Variants in MAPKAPK5 observed in about 807,000 individuals in gnomAD.
The protein encoded by MAPKAPK5 is MAPK activated protein kinase 5, also known as MAP kinase-activated protein kinase 5.
In MAPKAPK5, 30 loss-of-function variants were observed where a neutral mutation model predicts 65.1. That is an observed-to-expected ratio of 0.46 (90% CI 0.34 to 0.63). The LOEUF is 0.63. MAPKAPK5 is among the 20% of genes least tolerant of loss of function. The pLI is 0.01. For synonymous variants in MAPKAPK5, 179 were observed against 204.6 expected, an observed-to-expected ratio of 0.87 and a Z score of 1.07; for missense variants, 433 against 581.4, an observed-to-expected ratio of 0.74 and a Z score of 2.63.
At chr12:111,861,324 G>T (rs76871768) in intron 1 of MAPKAPK5, among the ~76,000 whole-genome samples, 2,338 of 127,002 alleles carry the variant, frequency 0.018, 72 homozygotes, top group African/African-American at 0.069. Context: ...TGTTTTTTTT[G>T]TTGTTGTTGT....
At chr12:111,857,887 T>G (rs112199324) in intron 1 of MAPKAPK5, among the ~76,000 whole-genome samples, 9 of 152,060 alleles carry the variant, frequency 5.9e-5, no homozygotes, top group South Asian at 4.2e-4. Context: ...CAGTGTTTTT[T>G]TTTGTGTGTG....
intron 10 of MAPKAPK5, among the ~76,000 whole-genome samples, chr12:111,886,769 CTT>C (rs1222850378): frequency 6.6e-6 from 1 of 152,152 alleles, no homozygotes. Flanking sequence ...GCCATAGTAG[CTT>C]TTTGAGAAGA....
chr12:111,875,381 A>AT (rs939392911), intron 7 of MAPKAPK5, among the ~76,000 whole-genome samples: 4 of 151,820 alleles, frequency 2.6e-5, no homozygotes, highest in East Asian at 1.9e-4. Context: ...CTGAAATGCC[A>AT]TTTTTTTTAA....
intron 7 of MAPKAPK5, among the ~76,000 whole-genome samples, chr12:111,877,862 G>GT (rs904344879): frequency 7.8e-4 from 114 of 145,314 alleles, no homozygotes; most frequent in Admixed American, 2.6e-3. Flanking sequence ...GAAATTTTTG[G>GT]TTTTTTTTTT....
At chr12:111,889,715 C>T (rs900530904) in intron 12 of MAPKAPK5, 2 of 242,486 alleles carry the variant, frequency 8.2e-6, no homozygotes, top group African/African-American at 4.4e-5. Context: ...GAGAAAGTAG[C>T]CCACTCTCCC....
intron 1 of MAPKAPK5, 28 bp downstream of exon 1, chr12:111,842,797 C>A (rs1358646482): frequency 7.6e-7 from 1 of 1,310,890 alleles, no homozygotes. Context: ...CCTCTTCCCC[C>A]GCGTTGTCCT....
intron 1 of MAPKAPK5, among the ~76,000 whole-genome samples, chr12:111,851,194 G>T (rs1030972360): frequency 6.6e-6 from 1 of 151,896 alleles, no homozygotes; most frequent in Non-Finnish European, 1.5e-5. Flanking sequence ...CACCGTGCCC[G>T]GCCAGGACTG....
At chr12:111,856,682 C>T (rs1277389218) in intron 1 of MAPKAPK5, among the ~76,000 whole-genome samples, 1 of 152,138 alleles carries the variant, frequency 6.6e-6, no homozygotes, top group Non-Finnish European at 1.5e-5. Context: ...GCCAGGGTTA[C>T]AGGTGTGAGC....
At position 111,898,283 on chromosome 12, in the gene MAPKAPK5, C is replaced by T. The variant is rs1269276617; in HGVS notation, c.*5222C>T. On this transcript the variant is annotated 3_prime_UTR_variant, in exon 14 of 14. Coordinates refer to ENST00000550735, the MANE Select transcript of MAPKAPK5 (RefSeq NM_003668.4). ...TCCTGGGTTCAAGCGATTCTCCTGCCTCACCTTCCTGAGTAGCTGAGATTA... is the reference window on the plus strand; with the variant it reads ...TCCTGGGTTCAAGCGATTCTCCTGCTTCACCTTCCTGAGTAGCTGAGATTA... The T allele has an allele frequency of 6.6e-6, 1 of 151,952 alleles. No homozygotes were observed. Among genetic ancestry groups the T allele is most frequent in the Non-Finnish European group, 1.5e-5 (1 of 68,070 alleles). 9.4% of individuals were successfully genotyped at this position (151,952 alleles called of 1,614,324 possible). A position where few individuals can be genotyped will look rare whatever the true frequency, so the allele number is the denominator to read the frequency against.
intron 1 of MAPKAPK5, among the ~76,000 whole-genome samples, chr12:111,851,127 A>T (rs1283408570): frequency 2.0e-5 from 3 of 151,938 alleles, no homozygotes; most frequent in African/African-American, 7.3e-5. Flanking sequence ...TGAACTCCTA[A>T]CCTCAAGTGA....
chr12:111,901,591 G>T lies in MAPKAPK5; in HGVS notation c.*8530G>T. On this transcript the variant is annotated 3_prime_UTR_variant, in exon 14 of 14. Coordinates refer to ENST00000550735, the MANE Select transcript of MAPKAPK5 (RefSeq NM_003668.4). The stretch of plus-strand genomic sequence containing the variant: ...CTCCTCCAGCAGTGGCTCCACCACC[G>T]GCCCCAGAAATAAAGCCAGAAGCAG... 3.4e-6 allele frequency: 1 copy of T among 297,710 alleles called. No individual in the cohort carries two copies. The highest frequency in any genetic ancestry group is 6.6e-6 in the Non-Finnish European group (1 of 152,116). The allele number at this position is 297,710 out of a possible 1,614,324, so 18.4% of individuals were successfully genotyped here.
Position 111,842,517 on chromosome 12 carries a change from C to T in MAPKAPK5, c.-217C>T, listed in dbSNP as rs1384178634. 5.6e-5 allele frequency: 20 copies of T among 354,044 alleles called. No homozygotes were observed. The East Asian group carries it at 8.3e-4, about 15-fold the overall frequency. 21.9% of individuals were successfully genotyped at this position (354,044 alleles called of 1,614,324 possible). ...AGCACAAAGACCTGTCCCCAGGGGC[C>T]GCCGCCTCCGCCGCTGCTGCTGCCG... On this transcript the variant is annotated 5_prime_UTR_variant, in exon 1 of 14. Coordinates refer to ENST00000550735, the MANE Select transcript of MAPKAPK5 (RefSeq NM_003668.4).
chr12:111,844,749 C>T (rs2068853316), intron 1 of MAPKAPK5, among the ~76,000 whole-genome samples: 1 of 152,124 alleles, frequency 6.6e-6, no homozygotes, highest in South Asian at 2.1e-4. Context: ...ATAGGGTAGT[C>T]CGAGGAGGTG....
chr12:111,901,425 AAT>A lies in MAPKAPK5; in HGVS notation c.*8367_*8368del, dbSNP rs1221025864. On this transcript the variant is annotated 3_prime_UTR_variant, in exon 14 of 14. Coordinates refer to ENST00000550735, the MANE Select transcript of MAPKAPK5 (RefSeq NM_003668.4). ...ACCTTCAGGAGAAGGTGAAAATCACAATATGACTCATTCCAGACGTGAAGAAC... is the reference window on the plus strand; with the variant it reads ...ACCTTCAGGAGAAGGTGAAAATCACAATGACTCATTCCAGACGTGAAGAAC... 2.2e-6 allele frequency: 1 copy of A among 455,990 alleles called. No homozygotes were observed. Among genetic ancestry groups the A allele is most frequent in the African/African-American group, 2.0e-5 (1 of 50,094 alleles). 28.2% of individuals were successfully genotyped at this position (455,990 alleles called of 1,614,324 possible). A position where few individuals can be genotyped will look rare whatever the true frequency, so the allele number is the denominator to read the frequency against.
intron 1 of MAPKAPK5, among the ~76,000 whole-genome samples, chr12:111,844,484 C>A (rs1306577317): frequency 2.6e-5 from 4 of 152,238 alleles, no homozygotes; most frequent in Non-Finnish European, 5.9e-5. Flanking sequence ...AGCCACCGCG[C>A]CCAGCCTTGG....
intron 1 of MAPKAPK5, among the ~76,000 whole-genome samples, chr12:111,844,462 A>G (rs750428742): frequency 4.6e-5 from 7 of 152,198 alleles, no homozygotes; most frequent in Non-Finnish European, 1.0e-4. Flanking sequence ...AAGTTCTGAG[A>G]TAACAGGTGT....
intron 7 of MAPKAPK5, among the ~76,000 whole-genome samples, chr12:111,876,055 A>G: frequency 6.6e-6 from 1 of 151,218 alleles, no homozygotes; most frequent in East Asian, 1.9e-4. Context: ...AAAAGACAAA[A>G]TATTAGTCGG....
In MAPKAPK5 at chr12:111,883,570, T is replaced by G. The variant is rs2070309090; in HGVS notation, c.661-11T>G. On this transcript the variant is annotated splice_polypyrimidine_tract_variant and intron_variant, in intron 8 of 13. Transcript: ENST00000550735. The surrounding 1 kb of genome is among the most constrained non-coding windows in gnomAD (Gnocchi z 4.8). ...TCTGCTGTGAGTGACCATTTTCTTT[T>G]TTGCTTTCAGAGCTGTGACTTGTGG... 1.2e-6 allele frequency: 2 copies of G among 1,609,960 alleles called. No homozygotes were observed. Among genetic ancestry groups the G allele is most frequent in the Non-Finnish European group, 1.7e-6 (2 of 1,178,062 alleles).
In MAPKAPK5 at chr12:111,883,208, TAA is replaced by T. The variant is rs1228820378; in HGVS notation, c.661-364_661-363del. On this transcript the variant is annotated intron_variant, in intron 8 of 13. Coordinates refer to ENST00000550735, the MANE Select transcript of MAPKAPK5 (RefSeq NM_003668.4). This position sits in a 1 kb window ranked among gnomAD's most constrained non-coding sequence, Gnocchi z 4.8. ...CAACATGGTGAAAGCCTATCTCTAC[TAA>T]AAAAAAAATACAAAAATTAGCCAGG... 2.7e-5 allele frequency among the ~76,000 whole-genome samples: 4 copies of T among 148,328 alleles called. No homozygotes were observed. Among genetic ancestry groups the T allele is most frequent in the Non-Finnish European group, 6.0e-5 (4 of 66,814 alleles).
Sources: gnomAD v4.1 joint callset for allele counts (sites outside exome capture counted in the v4.1 genomes callset) on GRCh38, gnomAD v4.1.1 for gene constraint, Gnocchi (gnomAD v3.1) non-coding constraint, MANE v1.5 for transcripts, NCBI Gene and HGNC (gene_info 2026-07-23, HGNC 2026-07-21) for gene names.